The following NPY variants were observed in gnomAD, a reference collection of about 807,000 sequenced individuals.
NPY encodes the protein pro-neuropeptide Y.
NPY carries 11 observed loss-of-function variants against 13.2 expected under a neutral mutation model. That is an observed-to-expected ratio of 0.83 (90% CI 0.52 to 1.38). The LOEUF is 1.38. Among genes scored for constraint, NPY ranks in the 40% most tolerant of loss-of-function variants. The pLI, the probability that NPY is intolerant of heterozygous loss-of-function variation, is 0.00. For missense variants in NPY, 109 were observed against 125.1 expected (o/e 0.87, Z 0.61); for synonymous variants, 51 against 55.6 (o/e 0.92, Z 0.37).
chr7:24,288,687 GAAA>G (rs59946765), intron 2 of NPY, among the ~76,000 whole-genome samples: 2,380 of 88,972 alleles, frequency 0.027, 42 homozygotes, highest in African/African-American at 0.085. Context: ...TGCTACAGGA[GAAA>G]AAAAAAAAAA....
At chr7:24,290,775 A>AATTATTATTATTATTATTATTATT (rs10693219) in intron 3 of NPY, among the ~76,000 whole-genome samples, 174 of 129,626 alleles carry the variant, frequency 1.3e-3, no homozygotes, top group African/African-American at 2.1e-3. Context: ...TAATAATAAT[A>AATTATTATTATTATTATTATTATT]ATTATTATTA....
intron 1 of NPY, among the ~76,000 whole-genome samples, 193 bp downstream of exon 1, chr7:24,284,468 T>C (rs1787278887): frequency 6.6e-6 from 1 of 152,194 alleles, no homozygotes; most frequent in Non-Finnish European, 1.5e-5. Flanking sequence ...CTTGTTCCTC[T>C]GCTCCCCTCT....
rs1015138417 is a variant in NPY, at chr7:24,291,769, C to G, written c.*82C>G. 4 of 1,459,092 alleles carry G rather than the reference C, an allele frequency of 2.7e-6. No homozygotes were observed. Among genetic ancestry groups the G allele is most frequent in the Non-Finnish European group, 3.8e-6 (4 of 1,039,942 alleles). The allele number at this position is 1,459,092 out of a possible 1,614,324, so 90.4% of individuals were successfully genotyped here. ...GTAAAACGAGAATCCACCCATCCTA[C>G]CAATGCATGCAGCCACTGTGCTGAA... On this transcript the variant is annotated 3_prime_UTR_variant, in exon 4 of 4. Coordinates refer to ENST00000242152, the MANE Select transcript of NPY (RefSeq NM_000905.4).
chr7:24,289,137 C>T (rs1333741122), intron 2 of NPY, among the ~76,000 whole-genome samples: 3 of 152,076 alleles, frequency 2.0e-5, no homozygotes, highest in African/African-American at 4.8e-5. Flanking sequence ...GAAACATTTA[C>T]AATCATGCTT....
At chr7:24,286,773 GTTAA>G (rs2128232354) in intron 2 of NPY, among the ~76,000 whole-genome samples, 1 of 152,288 alleles carries the variant, frequency 6.6e-6, no homozygotes, top group African/African-American at 2.4e-5. Flanking sequence ...TTCCCAGAAA[GTTAA>G]TTGATTCAAA....
In NPY at chr7:24,285,687, T is replaced by A. The variant is rs1413593857; in HGVS notation, c.188+259T>A. Reference sequence around the variant, plus strand: ...TCCCCAGGCTGGTAGGCTGGCAATCTCCTCTCACTCACCTCTTATGGTTTG... The same window carrying A: ...TCCCCAGGCTGGTAGGCTGGCAATCACCTCTCACTCACCTCTTATGGTTTG... On this transcript the variant is annotated intron_variant, in intron 2 of 3. Transcript: ENST00000242152. The surrounding 1 kb of genome is among the most constrained non-coding windows in gnomAD (Gnocchi z 4.9). Among the ~76,000 whole-genome samples the A allele has an allele frequency of 2.0e-5, 3 of 152,032 alleles. No homozygotes were observed. The highest frequency in any genetic ancestry group is 7.3e-5 in the African/African-American group (3 of 41,376).
intron 2 of NPY, among the ~76,000 whole-genome samples, chr7:24,286,437 TGTTA>T (rs1787382706): frequency 6.6e-6 from 1 of 152,228 alleles, no homozygotes; most frequent in South Asian, 2.1e-4. Context: ...GAAGCATTAA[TGTTA>T]GTTAACATGT....
rs1438092105 is a variant in NPY at position 24,285,659 on chromosome 7, G to A, written c.188+231G>A. On this transcript the variant is annotated intron_variant, in intron 2 of 3. Transcript: ENST00000242152. The surrounding 1 kb of genome is among the most constrained non-coding windows in gnomAD (Gnocchi z 4.9). ...CACAGAGTCGTGATCCCCAGATTCA[G>A]GTTCCCCAGGCTGGTAGGCTGGCAA... 6.6e-6 allele frequency among the ~76,000 whole-genome samples: 1 copy of A among 152,038 alleles called. No individual in the cohort carries two copies. Among genetic ancestry groups the A allele is most frequent in the Non-Finnish European group, 1.5e-5 (1 of 68,008 alleles).
intron 1 of NPY, among the ~76,000 whole-genome samples, chr7:24,284,604 G>A (rs1364625839): frequency 6.6e-6 from 1 of 152,174 alleles, no homozygotes; most frequent in Admixed American, 6.5e-5. Flanking sequence ...CCTGCGGGTC[G>A]CCGCCTTGAG....
rs1043023903 is a variant in NPY at position 24,285,800 on chromosome 7, G to A, written c.188+372G>A. 6.6e-6 allele frequency among the ~76,000 whole-genome samples: 1 copy of A among 152,106 alleles called. No individual in the cohort carries two copies. Among genetic ancestry groups the A allele is most frequent in the Admixed American group, 6.5e-5 (1 of 15,272 alleles). On this transcript the variant is annotated intron_variant, in intron 2 of 3. Transcript: ENST00000242152. The surrounding 1 kb of genome is among the most constrained non-coding windows in gnomAD (Gnocchi z 4.9). ...AAGAATGCGCCAGAGAAATGCTGTA[G>A]GGGGAAACGCTAGCAAGGTGTCTAG... is the stretch of plus-strand genomic sequence containing the variant.
intron 2 of NPY, among the ~76,000 whole-genome samples, chr7:24,286,323 T>G (rs1465276290): frequency 1.3e-5 from 2 of 152,228 alleles, no homozygotes; most frequent in Non-Finnish European, 2.9e-5. Context: ...AATTTTGTTT[T>G]CAAAATTGGT....
At chr7:24,286,991 C>T (rs1462484945) in intron 2 of NPY, among the ~76,000 whole-genome samples, 1 of 152,196 alleles carries the variant, frequency 6.6e-6, no homozygotes, top group Non-Finnish European at 1.5e-5. Context: ...TAGGCATTCT[C>T]TCATTCAGTC....
chr7:24,291,186 C>T (rs1261840477), intron 3 of NPY, among the ~76,000 whole-genome samples: 1 of 152,090 alleles, frequency 6.6e-6, no homozygotes, highest in Non-Finnish European at 1.5e-5. Flanking sequence ...TAGAAGGAGA[C>T]AAAACTTGAC....
intron 2 of NPY, among the ~76,000 whole-genome samples, chr7:24,286,867 A>C (rs1224454349): frequency 6.6e-6 from 1 of 152,062 alleles, no homozygotes; most frequent in Non-Finnish European, 1.5e-5. Context: ...TTCTAGAAAA[A>C]CCTTTGTTAG....
intron 2 of NPY, among the ~76,000 whole-genome samples, chr7:24,287,286 C>T (rs570785152): frequency 6.6e-6 from 1 of 152,298 alleles, no homozygotes; most frequent in South Asian, 2.1e-4. Context: ...TGTATAAACT[C>T]CTTCTTAGAA....
Position 24,285,124 on chromosome 7 carries a change from C to A in NPY, c.1-117C>A. Reference sequence around the variant, plus strand: ...TCTCTCTGCGGGACTGGGACGAGAGCGGATTGGGGGTCGCGTGTGGTAGCA... The same window carrying A: ...TCTCTCTGCGGGACTGGGACGAGAGAGGATTGGGGGTCGCGTGTGGTAGCA... On this transcript the variant is annotated intron_variant, in intron 1 of 3. Coordinates refer to ENST00000242152, the MANE Select transcript of NPY (RefSeq NM_000905.4). This position sits in a 1 kb window ranked among gnomAD's most constrained non-coding sequence, Gnocchi z 4.9. 2 of 1,055,366 alleles carry A rather than the reference C, an allele frequency of 1.9e-6. No homozygotes were observed. Among genetic ancestry groups the A allele is most frequent in the Non-Finnish European group, 2.9e-6 (2 of 695,892 alleles). The allele number at this position is 1,055,366 out of a possible 1,614,324, so 65.4% of individuals were successfully genotyped here.
chr7:24,286,869 C>T (rs1350233549), intron 2 of NPY, among the ~76,000 whole-genome samples: 1 of 152,068 alleles, frequency 6.6e-6, no homozygotes, highest in Non-Finnish European at 1.5e-5. Context: ...CTAGAAAAAC[C>T]TTTGTTAGTT....
Position 24,285,502 on chromosome 7 carries a change from A to G in NPY, c.188+74A>G. 2 of 1,458,292 alleles carry G rather than the reference A, an allele frequency of 1.4e-6. No homozygotes were observed. The highest frequency in any genetic ancestry group is 3.8e-5 in the Admixed American group (2 of 53,114). The allele number at this position is 1,458,292 out of a possible 1,614,324, so 90.3% of individuals were successfully genotyped here. A position where few individuals can be genotyped will look rare whatever the true frequency, so the allele number is the denominator to read the frequency against. ...CAGGAGATCCTGGGGATGTTAGGGA[A>G]AGGGATTGTTTCTTTTCCTTCGCTC... On this transcript the variant is annotated intron_variant, in intron 2 of 3. Coordinates refer to ENST00000242152, the MANE Select transcript of NPY (RefSeq NM_000905.4). The surrounding 1 kb of genome is among the most constrained non-coding windows in gnomAD (Gnocchi z 4.9).
intron 2 of NPY, among the ~76,000 whole-genome samples, chr7:24,287,569 C>T (rs1289888597): frequency 6.6e-6 from 1 of 151,460 alleles, no homozygotes; most frequent in African/African-American, 2.4e-5. Context: ...GGGTCTCCTA[C>T]AATTTATTTA....
Sources: gnomAD v4.1 joint callset for allele counts (sites outside exome capture counted in the v4.1 genomes callset) on GRCh38, gnomAD v4.1.1 for gene constraint, Gnocchi (gnomAD v3.1) non-coding constraint, MANE v1.5 for transcripts, NCBI Gene and HGNC (gene_info 2026-07-23, HGNC 2026-07-21) for gene names.